Variants in PAN2 observed in about 807,000 individuals in gnomAD.
The protein encoded by PAN2 is poly(A) specific ribonuclease subunit PAN2.
In PAN2, 68 loss-of-function variants were observed where a neutral mutation model predicts 133.3. The observed-to-expected ratio is 0.51, with a 90% CI of 0.42 to 0.62. The LOEUF (loss-of-function observed/expected upper bound fraction) is 0.62. PAN2 is among the 20% of genes least tolerant of loss of function. PAN2 has a pLI of 0.00. For synonymous variants in PAN2, 462 were observed against 544.6 expected (o/e 0.85, Z 2.11); for missense variants, 1,042 against 1,500.5 (o/e 0.69, Z 5.05).
rs1057073345 is a variant in PAN2 at position 56,322,918 on chromosome 12, T to C, written c.2493+144A>G. The C allele has an allele frequency of 3.1e-6, 4 of 1,282,690 alleles. No individual in the cohort carries two copies. The African/African-American group carries it at 4.4e-5, about 14-fold the overall frequency. 79.5% of individuals were successfully genotyped at this position (1,282,690 alleles called of 1,614,324 possible). On this transcript the variant is annotated intron_variant, in intron 17 of 25. Transcript: ENST00000440411. ...GGACCCCAACACTGAACTGAGTGAC[T>C]ATGGAAAATCCCCTAACAGGTAAAT... is the stretch of plus-strand genomic sequence containing the variant.
At chr12:56,331,718 T>C (rs11615250) in intron 2 of PAN2, among the ~76,000 whole-genome samples, 1 of 150,524 alleles carries the variant, frequency 6.6e-6, no homozygotes, top group East Asian at 1.9e-4. Flanking sequence ...TTTTTTTGTT[T>C]TTTGTTTTTT....
chr12:56,324,037 C>G lies in PAN2; in HGVS notation c.2065+12G>C, dbSNP rs960988263. On this transcript the variant is annotated intron_variant, in intron 13 of 25. Coordinates refer to ENST00000440411, the MANE Select transcript of PAN2 (RefSeq NM_014871.6). Reference sequence around the variant, plus strand: ...TTCCCAACTGAGCTGAAGGGTATACCACTTTTGCTACCATCAGGGTAGGAG... The same window carrying G: ...TTCCCAACTGAGCTGAAGGGTATACGACTTTTGCTACCATCAGGGTAGGAG... 1.4e-5 allele frequency: 23 copies of G among 1,613,994 alleles called. No individual in the cohort carries two copies. Among genetic ancestry groups the G allele is most frequent in the Non-Finnish European group, 1.5e-5 (18 of 1,179,998 alleles).
Position 56,317,487 on chromosome 12 carries a change from T to A in PAN2, c.*122A>T. 1 of 785,066 alleles carries A rather than the reference T, an allele frequency of 1.3e-6. No homozygotes were observed. Among genetic ancestry groups the A allele is most frequent in the Non-Finnish European group, 2.2e-6 (1 of 446,716 alleles). 48.6% of individuals were successfully genotyped at this position (785,066 alleles called of 1,614,324 possible). The stretch of plus-strand genomic sequence containing the variant: ...CAATTAATAGCACCATCTGTGACCC[T>A]AGACCCTGAGCACGTCCAGTACTGG... On this transcript the variant is annotated 3_prime_UTR_variant, in exon 26 of 26. Transcript: ENST00000440411.
At position 56,327,789 on chromosome 12, in the gene PAN2, G is replaced by A. The variant is rs971800542; in HGVS notation, c.652-158C>T. Reference sequence around the variant, plus strand: ...AAACAGAGAAGCCCAGAGCCAGAAGGGGCTTCAGGGAGACTTCATTATCAT... The same window carrying A: ...AAACAGAGAAGCCCAGAGCCAGAAGAGGCTTCAGGGAGACTTCATTATCAT... On this transcript the variant is annotated intron_variant, in intron 5 of 25. Transcript: ENST00000440411. 25 of 1,227,492 alleles carry A rather than the reference G, an allele frequency of 2.0e-5. No individual in the cohort carries two copies. The Admixed American group carries it at 2.5e-4, about 12-fold the overall frequency. The allele number at this position is 1,227,492 out of a possible 1,614,324, so 76.0% of individuals were successfully genotyped here. A position where few individuals can be genotyped will look rare whatever the true frequency, so the allele number is the denominator to read the frequency against.
At chr12:56,322,023 C>G (rs541404116) in intron 20 of PAN2, 55 bp downstream of exon 20, 1 of 919,824 alleles carries the variant, frequency 1.1e-6, no homozygotes, top group South Asian at 1.4e-5. Flanking sequence ...CCAGATCTCA[C>G]CCTGAAGCCC....
chr12:56,331,212 C>CA (rs34677730), intron 2 of PAN2, among the ~76,000 whole-genome samples: 1 of 152,008 alleles, frequency 6.6e-6, no homozygotes, highest in Admixed American at 6.6e-5. Context: ...GCATGTGGCT[C>CA]AAAAAAACAC....
chr12:56,325,761 T>C (rs1203311485), intron 8 of PAN2, among the ~76,000 whole-genome samples: 6 of 152,248 alleles, frequency 3.9e-5, no homozygotes, highest in African/African-American at 7.2e-5. Flanking sequence ...GTTCAAAGCT[T>C]CGCAATCTGG....
At chr12:56,327,221 G>T in intron 6 of PAN2, 143 bp downstream of exon 6, 1 of 925,028 alleles carries the variant, frequency 1.1e-6, no homozygotes, top group Non-Finnish European at 1.6e-6. Flanking sequence ...CTAATCTCTG[G>T]CCAAACCCAA....
chr12:56,330,353 C>CTTTTTTTTTTTT (rs10525866), intron 2 of PAN2, among the ~76,000 whole-genome samples: 83 of 92,622 alleles, frequency 9.0e-4, no homozygotes, highest in Non-Finnish European at 1.1e-3. Flanking sequence ...CTGTATTTTT[C>CTTTTTTTTTTTT]TTTTTTTTTT....
chr12:56,332,197 GA>G (rs142837313), intron 2 of PAN2, among the ~76,000 whole-genome samples: 6,942 of 152,216 alleles, frequency 0.046, 224 homozygotes, highest in Non-Finnish European at 0.068. Context: ...AATAAAAATA[GA>G]AAACACAGGT....
rs761143909 is a variant in PAN2, at chr12:56,319,512, C to T, written c.3091-25G>A. On this transcript the variant is annotated intron_variant, in intron 22 of 25. Transcript: ENST00000440411. This position sits in a 1 kb window ranked among gnomAD's most constrained non-coding sequence, Gnocchi z 5.4. Reference sequence around the variant, plus strand: ...CCTAGGAATAGAGAAAAGGACAAGCCTTTTTCAGGAAGTGAGATGGAGTCT... The same window carrying T: ...CCTAGGAATAGAGAAAAGGACAAGCTTTTTTCAGGAAGTGAGATGGAGTCT... 1 of 1,603,220 alleles carries T rather than the reference C, an allele frequency of 6.2e-7. No homozygotes were observed. Among genetic ancestry groups the T allele is most frequent in the Admixed American group, 1.7e-5 (1 of 58,396 alleles).
chr12:56,321,063 CAAAA>C (rs757641992), intron 20 of PAN2, among the ~76,000 whole-genome samples: 1 of 59,344 alleles, frequency 1.7e-5, no homozygotes, highest in Non-Finnish European at 3.5e-5. Context: ...AAACTCTGTC[CAAAA>C]AAAAAAAAAA....
rs745494131 is a variant in PAN2 at position 56,319,492 on chromosome 12, G to A, written c.3091-5C>T. ...TTGAGTCAAGTAATCCACCACCTAG[G>A]AATAGAGAAAAGGACAAGCCTTTTT... On this transcript the variant is annotated splice_region_variant and splice_polypyrimidine_tract_variant and intron_variant, in intron 22 of 25. Coordinates refer to ENST00000440411, the MANE Select transcript of PAN2 (RefSeq NM_014871.6). The surrounding 1 kb of genome is among the most constrained non-coding windows in gnomAD (Gnocchi z 5.4). 1.2e-6 allele frequency: 2 copies of A among 1,610,136 alleles called. No individual in the cohort carries two copies. The highest frequency in any genetic ancestry group is 1.7e-6 in the Non-Finnish European group (2 of 1,178,218).
At chr12:56,322,503 C>T (rs758735567) in intron 18 of PAN2, 21 bp from the exon 19 acceptor site, 22 of 1,613,120 alleles carry the variant, frequency 1.4e-5, no homozygotes, top group Middle Eastern at 1.6e-4. Flanking sequence ...ACAAAGAAAG[C>T]CTGTGGCGAT....
intron 8 of PAN2, 56 bp from the exon 9 acceptor site, chr12:56,325,510 C>T (rs1875011625): frequency 6.2e-6 from 10 of 1,602,150 alleles, no homozygotes; most frequent in Middle Eastern, 1.7e-4. Flanking sequence ...TTTGGCTTCA[C>T]ACTCATTTAT....
At chr12:56,322,852 A>G in intron 17 of PAN2, 94 bp from the exon 18 acceptor site, 9 of 579,018 alleles carry the variant, frequency 1.6e-5, no homozygotes, top group Middle Eastern at 5.5e-4. Context: ...GGTATGGGGG[A>G]TGGGGGACCA....
intron 20 of PAN2, among the ~76,000 whole-genome samples, chr12:56,320,745 CTTTTT>C (rs764563787): frequency 1.7e-5 from 2 of 115,196 alleles, no homozygotes; most frequent in Non-Finnish European, 3.5e-5. Context: ...CTTACAGCTG[CTTTTT>C]TTTTTTTTTT....
In PAN2 at chr12:56,325,465, T is replaced by C. The variant is rs765988108; in HGVS notation, c.1360-11A>G. On this transcript the variant is annotated splice_polypyrimidine_tract_variant and intron_variant, in intron 8 of 25. Coordinates refer to ENST00000440411, the MANE Select transcript of PAN2 (RefSeq NM_014871.6). ...GAGTCTGTAGGGTATCTAGGGATTT[T>C]AGGAAGAGGTAACCTTGTTGGATGT... The C allele has an allele frequency of 6.2e-7, 1 of 1,613,544 alleles. No individual in the cohort carries two copies. Among genetic ancestry groups the C allele is most frequent in the South Asian group, 1.1e-5 (1 of 90,936 alleles).
At chr12:56,318,156 G>A in intron 25 of PAN2, 81 bp downstream of exon 25, 1 of 1,182,200 alleles carries the variant, frequency 8.5e-7, no homozygotes, top group South Asian at 1.3e-5. Flanking sequence ...CAGCCTGGGT[G>A]ACAGAGTGAG....
Sources: allele counts gnomAD v4.1 joint callset (sites outside exome capture counted in the v4.1 genomes callset), GRCh38; gene constraint gnomAD v4.1.1; non-coding constraint Gnocchi (gnomAD v3.1); transcripts MANE v1.5; gene names NCBI Gene and HGNC (gene_info 2026-07-23, HGNC 2026-07-21).